The following ZNF600 variants were observed in gnomAD, a reference collection of about 807,000 sequenced individuals.
The protein encoded by ZNF600 is zinc finger protein 600, also known as zinc finger protein KR-ZNF1.
In ZNF600, 4 loss-of-function variants were observed where a neutral mutation model predicts 7.3. The observed-to-expected ratio is 0.55, with a 90% CI of 0.27 to 1.25. ZNF600 has a LOEUF of 1.25. Among genes scored for constraint, ZNF600 ranks in the 50% most tolerant of loss-of-function variants. The probability of loss-of-function intolerance (pLI) is 0.12; values close to 1 mark genes in which losing one functional copy is unlikely to be tolerated. For synonymous variants in ZNF600, 290 were observed against 308.9 expected (o/e 0.94, Z 0.64); for missense variants, 911 against 922.1 (o/e 0.99, Z 0.16).
the ZNF600 span, among the ~76,000 whole-genome samples, chr19:52,811,811 G>A: frequency 1.4e-5 from 2 of 147,506 alleles, no homozygotes; most frequent in Non-Finnish European, 3.0e-5. Flanking sequence ...GGAGGTGAGG[G>A]GCTCCTCTGC....
At chr19:52,832,135 TC>T in the ZNF600 span, among the ~76,000 whole-genome samples, 3 of 144,062 alleles carry the variant, frequency 2.1e-5, no homozygotes, top group Admixed American at 2.1e-4. Context: ...ATCGCTGTAA[TC>T]CAGGAAGCGG....
At chr19:52,815,790 A>C in the ZNF600 span, among the ~76,000 whole-genome samples, 1 of 146,120 alleles carries the variant, frequency 6.8e-6, no homozygotes, top group Non-Finnish European at 1.5e-5. Flanking sequence ...GCACCACTGC[A>C]CTCCAGCCTG....
the ZNF600 span, among the ~76,000 whole-genome samples, chr19:52,828,730 A>G: frequency 6.6e-6 from 1 of 152,190 alleles, no homozygotes. Context: ...GAATGTTTGT[A>G]TTGGCCAAAA....
chr19:52,777,386 A>C (rs955312799), intron 2 of ZNF600, among the ~76,000 whole-genome samples: 10 of 152,156 alleles, frequency 6.6e-5, no homozygotes, highest in East Asian at 1.9e-4. Flanking sequence ...CTAAAAAGTA[A>C]AGAGTCCAGC....
chr19:52,807,968 A>G, the ZNF600 span: 1 of 1,611,178 alleles, frequency 6.2e-7, no homozygotes, highest in Non-Finnish European at 8.5e-7. Context: ...AGAAAATACA[A>G]AGATACACAA....
At chr19:52,782,055 T>C (rs940819779) in intron 1 of ZNF600, among the ~76,000 whole-genome samples, 5 of 151,428 alleles carry the variant, frequency 3.3e-5, no homozygotes, top group Admixed American at 1.3e-4. Context: ...AGAGTCTCAA[T>C]AAATAAATAT....
At chr19:52,801,394 G>A in the ZNF600 span, 1 of 1,614,206 alleles carries the variant, frequency 6.2e-7, no homozygotes, top group Admixed American at 1.7e-5. Flanking sequence ...AATATGTGCA[G>A]TTCAGGCAGA....
the ZNF600 span, among the ~76,000 whole-genome samples, chr19:52,832,517 C>T: frequency 6.6e-6 from 1 of 151,922 alleles, no homozygotes; most frequent in African/African-American, 2.4e-5. Context: ...ATTGCTTGAA[C>T]CCAGGAGGCA....
intron 3 of ZNF600, among the ~76,000 whole-genome samples, chr19:52,768,346 A>G (rs942549675): frequency 9.2e-5 from 14 of 151,642 alleles, no homozygotes; most frequent in Non-Finnish European, 1.8e-4. Context: ...AGGCTGAGGC[A>G]TAAGAATCAC....
At chr19:52,769,558 A>G (rs1000495693) in intron 3 of ZNF600, among the ~76,000 whole-genome samples, 2 of 152,120 alleles carry the variant, frequency 1.3e-5, no homozygotes, top group African/African-American at 4.8e-5. Flanking sequence ...CTTGTATCCA[A>G]TAAATATCAG....
At chr19:52,809,914 G>A in the ZNF600 span, 4 of 841,316 alleles carry the variant, frequency 4.8e-6, no homozygotes, top group African/African-American at 1.7e-5. Context: ...CTTGTGCCCG[G>A]GGCCGGTGGG....
At chr19:52,784,895 T>A (rs1280345398) in intron 1 of ZNF600, among the ~76,000 whole-genome samples, 1 of 150,892 alleles carries the variant, frequency 6.6e-6, no homozygotes, top group East Asian at 1.9e-4. Flanking sequence ...CCCGGTTAAA[T>A]TTTTTTTTTC....
chr19:52,811,064 T>G, the ZNF600 span, among the ~76,000 whole-genome samples: 1 of 147,710 alleles, frequency 6.8e-6, no homozygotes, highest in Non-Finnish European at 1.5e-5. Context: ...TGGTTTTCGT[T>G]TTTTTTTTTG....
chr19:52,809,856 A>G, the ZNF600 span: 1 of 612,106 alleles, frequency 1.6e-6, no homozygotes. Context: ...TGGTGGCAGT[A>G]GCACTGGGCC....
At chr19:52,808,052 A>G in the ZNF600 span, 11 of 1,613,554 alleles carry the variant, frequency 6.8e-6, no homozygotes, top group East Asian at 2.0e-4. Flanking sequence ...ACATCCCTGT[A>G]AAGAGTCCTC....
chr19:52,789,232 T>C (rs1397476635), upstream of ZNF600, among the ~76,000 whole-genome samples: 2 of 152,100 alleles, frequency 1.3e-5, no homozygotes, highest in African/African-American at 4.8e-5. Flanking sequence ...GTGAAGGCCC[T>C]GAGAAAGGAG....
chr19:52,795,660 G>A, the ZNF600 span, among the ~76,000 whole-genome samples: 1 of 152,046 alleles, frequency 6.6e-6, no homozygotes, highest in African/African-American at 2.4e-5. Flanking sequence ...TCCGCCTCCT[G>A]GATTCAAGCG....
chr19:52,796,074 C>G, the ZNF600 span, among the ~76,000 whole-genome samples: 1 of 152,152 alleles, frequency 6.6e-6, no homozygotes, highest in African/African-American at 2.4e-5. Flanking sequence ...ACTTTGGAGG[C>G]TGAAATGGGA....
exon 4 of ZNF600, chr19:52,766,458 T>C (rs765972207): frequency 5.0e-6 from 8 of 1,613,924 alleles, no homozygotes; most frequent in Non-Finnish European, 6.8e-6. Context: ...ATGAATTGAC[T>C]TATGAATTAG....
Sources: allele counts gnomAD v4.1 joint callset (sites outside exome capture counted in the v4.1 genomes callset), GRCh38; gene constraint gnomAD v4.1.1; transcripts MANE v1.5; gene names NCBI Gene and HGNC (gene_info 2026-07-23, HGNC 2026-07-21).